PPP1R1C: variants seen among roughly 807,000 people sequenced by gnomAD.
PPP1R1C encodes the protein protein phosphatase 1 regulatory subunit 1C.
Under a neutral mutation model 17.4 loss-of-function variants are expected in PPP1R1C, and 15 were observed. That is an observed-to-expected ratio of 0.86 (90% CI 0.58 to 1.33). The LOEUF (loss-of-function observed/expected upper bound fraction) is 1.33, where lower values mean the gene tolerates loss of function less well. PPP1R1C is among the 40% of genes most tolerant of loss of function. PPP1R1C has a pLI of 0.00. For synonymous variants in PPP1R1C, 35 were observed against 43.1 expected (o/e 0.81, Z 0.73); for missense variants, 143 against 130.0 (o/e 1.10, Z -0.48).
chr2:182,092,662 A>G (rs1485835117), intron 4 of PPP1R1C, among the ~76,000 whole-genome samples: 17 of 152,204 alleles, frequency 1.1e-4, no homozygotes, highest in Admixed American at 1.1e-3. Context: ...GCCATTCCAA[A>G]TGGGAGTAAT....
intron 1 of PPP1R1C, among the ~76,000 whole-genome samples, chr2:181,956,793 A>AT (rs919345936): frequency 1.3e-5 from 2 of 152,190 alleles, no homozygotes; most frequent in African/African-American, 4.8e-5. Context: ...TATTTAACAT[A>AT]TTTTTGCATG....
chr2:181,980,619 A>G (rs1413090336), intron 2 of PPP1R1C, among the ~76,000 whole-genome samples: 1 of 152,216 alleles, frequency 6.6e-6, no homozygotes. Flanking sequence ...ACTCACTGCT[A>G]TAGCATCATG....
intron 2 of PPP1R1C, among the ~76,000 whole-genome samples, chr2:181,994,041 C>A (rs1377671941): frequency 1.3e-5 from 2 of 151,864 alleles, no homozygotes. Flanking sequence ...CTATAGTACC[C>A]CCTAATTCAT....
At chr2:182,005,561 T>C (rs1685895200) in intron 2 of PPP1R1C, among the ~76,000 whole-genome samples, 1 of 152,204 alleles carries the variant, frequency 6.6e-6, no homozygotes, top group African/African-American at 2.4e-5. Context: ...TTTGGAATTT[T>C]GAAGATTTGT....
intron 2 of PPP1R1C, among the ~76,000 whole-genome samples, chr2:182,006,616 G>C (rs1457775414): frequency 6.6e-6 from 1 of 152,212 alleles, no homozygotes; most frequent in Admixed American, 6.5e-5. Context: ...TGGCTGGTCT[G>C]TTCCTTTTTA....
At chr2:182,119,712 A>G (rs1178195492), downstream of PPP1R1C, among the ~76,000 whole-genome samples, 1 of 152,102 alleles carries the variant, frequency 6.6e-6, no homozygotes, top group Non-Finnish European at 1.5e-5. Flanking sequence ...TTCTTTTGAG[A>G]AGTGTCTGTT....
chr2:182,119,026 G>A (rs1689661633), downstream of PPP1R1C, among the ~76,000 whole-genome samples: 1 of 151,840 alleles, frequency 6.6e-6, no homozygotes, highest in Admixed American at 6.6e-5. Flanking sequence ...TTAACATTAG[G>A]TATATCTCCT....
At chr2:181,968,416 G>A (rs1043991707) in intron 1 of PPP1R1C, among the ~76,000 whole-genome samples, 2 of 152,066 alleles carry the variant, frequency 1.3e-5, no homozygotes, top group African/African-American at 4.8e-5. Flanking sequence ...ATATCCTCTT[G>A]CTAAAATGGA....
At chr2:181,990,007 C>T (rs1685412051) in intron 2 of PPP1R1C, among the ~76,000 whole-genome samples, 3 of 152,096 alleles carry the variant, frequency 2.0e-5, no homozygotes, top group Admixed American at 6.6e-5. Flanking sequence ...GGGGAAATAA[C>T]TCTAAAGATA....
Position 182,101,616 on chromosome 2 carries a change from A to T in PPP1R1C, c.242-15591A>T, listed in dbSNP as rs561829002. On this transcript the variant is annotated intron_variant, in intron 4 of 4. Coordinates refer to ENST00000682840, the MANE Select transcript of PPP1R1C (RefSeq NM_001080545.3). ...GGCTGACAACCTGTGTTGTAGATTG[A>T]GTAACTGTTTCTTGCTCTGTGACTT... Among the ~76,000 whole-genome samples the T allele has an allele frequency of 1.2e-3, 187 of 152,326 alleles. 1 individual carries two copies. Among genetic ancestry groups the T allele is most frequent in the African/African-American group, 4.3e-3 (179 of 41,574 alleles).
intron 2 of PPP1R1C, among the ~76,000 whole-genome samples, chr2:182,038,028 A>T (rs150449717): frequency 0.019 from 2,832 of 151,912 alleles, 74 homozygotes; most frequent in African/African-American, 0.065. Context: ...ATTTATATTT[A>T]TATGTATTTT....
At chr2:182,098,200 T>C (rs1688999617) in intron 4 of PPP1R1C, among the ~76,000 whole-genome samples, 1 of 152,160 alleles carries the variant, frequency 6.6e-6, no homozygotes, top group Admixed American at 6.6e-5. Flanking sequence ...AGAAGATTTG[T>C]ATACCAGCAG....
At chr2:182,084,406 GATGTAAGTCTTTAATCCA>G (rs1688569813) in intron 4 of PPP1R1C, among the ~76,000 whole-genome samples, 1 of 151,992 alleles carries the variant, frequency 6.6e-6, no homozygotes, top group East Asian at 1.9e-4. Flanking sequence ...TCAACTGTTA[GATGTAAGTCTTTAATCCA>G]ATTTGAGTTG....
At chr2:182,101,686 A>G (rs758706600) in intron 4 of PPP1R1C, among the ~76,000 whole-genome samples, 5 of 152,192 alleles carry the variant, frequency 3.3e-5, no homozygotes, top group Non-Finnish European at 1.5e-5. Context: ...CGGTGTTGGT[A>G]TGTGTACGTG....
intron 1 of PPP1R1C, among the ~76,000 whole-genome samples, chr2:181,964,528 T>G (rs971543009): frequency 3.3e-5 from 5 of 152,164 alleles, no homozygotes; most frequent in African/African-American, 9.7e-5. Flanking sequence ...TTTTTAGTTT[T>G]TTAAGGAACC....
chr2:182,038,159 T>A, intron 2 of PPP1R1C, among the ~76,000 whole-genome samples: 1 of 152,090 alleles, frequency 6.6e-6, no homozygotes, highest in Admixed American at 6.6e-5. Context: ...CACCTCAGTC[T>A]CCCAAGTAGC....
chr2:181,964,544 A>G (rs981186522), intron 1 of PPP1R1C, among the ~76,000 whole-genome samples: 6 of 152,110 alleles, frequency 3.9e-5, no homozygotes, highest in African/African-American at 1.4e-4. Flanking sequence ...GAACCTCCAT[A>G]CTATTCTCCA....
chr2:182,068,629 G>A (rs1254785368), intron 4 of PPP1R1C, among the ~76,000 whole-genome samples: 1 of 152,126 alleles, frequency 6.6e-6, no homozygotes, highest in Admixed American at 6.6e-5. Context: ...ATTTCACCTA[G>A]CTCCGGTCCT....
chr2:182,124,994 G>T lies in PPP1R1C; in HGVS notation c.*7-3980G>T, dbSNP rs552503205. Among the ~76,000 whole-genome samples the T allele has an allele frequency of 9.9e-5, 15 of 152,054 alleles. No homozygotes were observed. The East Asian group carries it at 2.7e-3, about 27-fold the overall frequency. ...ATAAGACAAAGTTTTCAAAGGGAAT[G>T]GTAGAATTTTGCCCATTCAGTATGA... On this transcript the variant is annotated intron_variant, in intron 5 of 5. Transcript: ENST00000280295.
Sources: allele counts gnomAD v4.1 joint callset (sites outside exome capture counted in the v4.1 genomes callset), GRCh38; gene constraint gnomAD v4.1.1; transcripts MANE v1.5; gene names NCBI Gene and HGNC (gene_info 2026-07-23, HGNC 2026-07-21).